BROX: variants seen among roughly 807,000 people sequenced by gnomAD.
BROX encodes BRO1 domain-containing protein BROX.
A neutral mutation model predicts 61.0 loss-of-function variants in BROX; 53 were observed. The ratio of observed to expected loss-of-function variants is 0.87; its 90% CI spans 0.70 to 1.09. BROX has a LOEUF of 1.09. Among genes scored for constraint, BROX ranks in the 50% least tolerant of loss-of-function variants. The probability of loss-of-function intolerance (pLI) is 0.00; values close to 1 mark genes in which losing one functional copy is unlikely to be tolerated. For synonymous variants in BROX, 152 were observed against 160.2 expected (o/e 0.95, Z 0.38); for missense variants, 489 against 472.0 (o/e 1.04, Z -0.33).
At chr1:222,713,103 A>G in intron 1 of BROX, 161 bp downstream of exon 1, 1 of 1,019,394 alleles carries the variant, frequency 9.8e-7, no homozygotes, top group Non-Finnish European at 1.2e-6. Flanking sequence ...ACAGAAAGAA[A>G]ATCCATATTG....
At chr1:222,729,530 A>G (rs1657776705) in intron 9 of BROX, 90 bp from the exon 10 acceptor site, 4 of 902,392 alleles carry the variant, frequency 4.4e-6, no homozygotes, top group Non-Finnish European at 7.1e-6. Flanking sequence ...CAGTGTATGA[A>G]GGTACTAATT....
At position 222,727,237 on chromosome 1, in the gene BROX, C is replaced by CAG; in HGVS notation, c.650_651insAG (p.Asn218AlafsTer28). On this transcript the variant is annotated frameshift_variant, in exon 8 of 13. Transcript: ENST00000340934. LOFTEE classifies it high-confidence loss of function. The stretch of plus-strand genomic sequence containing the variant: ...ATTGCTGCACTGGCGTATGAAACAG[C>CAG]CAATTTCTATCAAAAAGCTGGTAAG... 1.2e-6 allele frequency: 2 copies of CAG among 1,611,970 alleles called. No individual in the cohort carries two copies. The highest frequency in any genetic ancestry group is 1.7e-6 in the Non-Finnish European group (2 of 1,178,528).
At chr1:222,718,815 G>A (rs1192315187) in intron 2 of BROX, 110 bp from the exon 3 acceptor site, 2 of 789,920 alleles carry the variant, frequency 2.5e-6, no homozygotes, top group South Asian at 1.5e-5. Flanking sequence ...CCTGGTGCGT[G>A]TGTGTATGTG....
chr1:222,731,012 C>T (rs1225828794), intron 11 of BROX, among the ~76,000 whole-genome samples: 1 of 152,144 alleles, frequency 6.6e-6, no homozygotes, highest in African/African-American at 2.4e-5. Context: ...GCTTTTATGT[C>T]CTTACATTCT....
Position 222,715,579 on chromosome 1 carries a change from C to T in BROX, c.-16-105C>T, listed in dbSNP as rs183027373. On this transcript the variant is annotated intron_variant, in intron 1 of 12. Coordinates refer to ENST00000340934, the MANE Select transcript of BROX (RefSeq NM_144695.4). ...AACAAAATTTAGCCAGGCTAATTTT[C>T]GAATTAAATTTTTATACTATTGAAA... 1,537 of 485,150 alleles carry T rather than the reference C, an allele frequency of 3.2e-3. 18 individuals carry two copies. The highest frequency in any genetic ancestry group is 0.028 in the African/African-American group (1,381 of 49,424). The allele number at this position is 485,150 out of a possible 1,614,324, so 30.1% of individuals were successfully genotyped here.
Position 222,725,826 on chromosome 1 carries a change from G to A in BROX, c.580+271G>A, listed in dbSNP as rs115993727. Among the ~76,000 whole-genome samples, 651 of 152,230 alleles carry A rather than the reference G, an allele frequency of 4.3e-3. 4 individuals carry two copies. Among genetic ancestry groups the A allele is most frequent in the African/African-American group, 0.015 (609 of 41,520 alleles). On this transcript the variant is annotated intron_variant, in intron 7 of 12. Coordinates refer to ENST00000340934, the MANE Select transcript of BROX (RefSeq NM_144695.4). ...CCACAAGGCTGAGATGGGAAGGATCGCTGGAGCCTGGGAGGTCAAAGCTGT... is the reference window on the plus strand; with the variant it reads ...CCACAAGGCTGAGATGGGAAGGATCACTGGAGCCTGGGAGGTCAAAGCTGT...
chr1:222,729,490 G>T, intron 9 of BROX, 130 bp from the exon 10 acceptor site: 1 of 564,610 alleles, frequency 1.8e-6, no homozygotes, highest in Non-Finnish European at 3.0e-6. Context: ...TTGGGGAAGA[G>T]CTAAAATGTA....
At position 222,733,761 on chromosome 1, in the gene BROX, C is replaced by CT. The variant is rs1380301336; in HGVS notation, c.*1049dup. 1 of 152,078 alleles carries CT rather than the reference C, an allele frequency of 6.6e-6. No individual in the cohort carries two copies. The highest frequency in any genetic ancestry group is 1.5e-5 in the Non-Finnish European group (1 of 67,998). 9.4% of individuals were successfully genotyped at this position (152,078 alleles called of 1,614,324 possible). A position where few individuals can be genotyped will look rare whatever the true frequency, so the allele number is the denominator to read the frequency against. Reference sequence around the variant, plus strand: ...ATATCTTTTTCTAGTGGGTTTTTTACTTAGAGGAAAGAACTTTGTAATAGC... The same window carrying CT: ...ATATCTTTTTCTAGTGGGTTTTTTACTTTAGAGGAAAGAACTTTGTAATAGC... On this transcript the variant is annotated 3_prime_UTR_variant, in exon 13 of 13. Coordinates refer to ENST00000340934, the MANE Select transcript of BROX (RefSeq NM_144695.4).
intron 1 of BROX, among the ~76,000 whole-genome samples, chr1:222,714,772 G>A (rs1297723479): frequency 6.6e-6 from 1 of 151,230 alleles, no homozygotes; most frequent in Non-Finnish European, 1.5e-5. Context: ...TAGAGACCGG[G>A]TCTCACCATG....
intron 5 of BROX, among the ~76,000 whole-genome samples, chr1:222,723,864 G>T (rs1330679768): frequency 6.6e-6 from 1 of 152,106 alleles, no homozygotes; most frequent in Non-Finnish European, 1.5e-5. Context: ...TTGCCCTGCT[G>T]GCCAGGATGG....
rs1656550915 is a variant in BROX, at chr1:222,715,708, T to C, written c.9T>C (p.His3=). 1 of 1,504,974 alleles carries C rather than the reference T, an allele frequency of 6.6e-7. No homozygotes were observed. Among genetic ancestry groups the C allele is most frequent in the Non-Finnish European group, 8.9e-7 (1 of 1,124,926 alleles). 93.2% of individuals were successfully genotyped at this position (1,504,974 alleles called of 1,614,324 possible). ...GAAAACATCTGGAGAAAATGACCCATTGGTTTCATAGGAACCCATTAAAAG... is the reference window on the plus strand; with the variant it reads ...GAAAACATCTGGAGAAAATGACCCACTGGTTTCATAGGAACCCATTAAAAG... MT[H]WFHRNPLKAT... is the part of the protein sequence containing the mutation. The change falls in exon 2 of 13, where the codon CAT becomes CAC. Residue 3 remains histidine (H), a synonymous_variant. Coordinates refer to ENST00000340934, the MANE Select transcript of BROX (RefSeq NM_144695.4).
chr1:222,726,961 T>C (rs1657545468), intron 7 of BROX, among the ~76,000 whole-genome samples: 1 of 152,248 alleles, frequency 6.6e-6, no homozygotes, highest in Non-Finnish European at 1.5e-5. Flanking sequence ...TTGCTGATGA[T>C]TTATTTAAAG....
intron 4 of BROX, 35 bp from the exon 5 acceptor site, chr1:222,722,384 T>G (rs1657165648): frequency 6.5e-7 from 1 of 1,545,198 alleles, no homozygotes; most frequent in Non-Finnish European, 8.9e-7. Flanking sequence ...GTCTGGATAA[T>G]TGACAGAACT....
intron 4 of BROX, among the ~76,000 whole-genome samples, chr1:222,720,541 G>A (rs1657002069): frequency 6.6e-6 from 1 of 152,140 alleles, no homozygotes; most frequent in South Asian, 2.1e-4. Flanking sequence ...GCCGGGCACA[G>A]TGGCTCACGC....
chr1:222,732,901 A>G lies in BROX; in HGVS notation c.*187A>G. The G allele has an allele frequency of 3.6e-6, 2 of 553,310 alleles. No individual in the cohort carries two copies. Among genetic ancestry groups the G allele is most frequent in the African/African-American group, 1.9e-5 (1 of 51,628 alleles). 34.3% of individuals were successfully genotyped at this position (553,310 alleles called of 1,614,324 possible). A position where few individuals can be genotyped will look rare whatever the true frequency, so the allele number is the denominator to read the frequency against. On this transcript the variant is annotated 3_prime_UTR_variant, in exon 13 of 13. Transcript: ENST00000340934. ...GAGATGTTTCTTGCTTTGTTTTCAG[A>G]CTCTCCTTTTTAATCAGGACAACAT...
In BROX at chr1:222,733,087, T is replaced by TC; in HGVS notation, c.*373_*374insC. On this transcript the variant is annotated 3_prime_UTR_variant, in exon 13 of 13. Coordinates refer to ENST00000340934, the MANE Select transcript of BROX (RefSeq NM_144695.4). ...TCTTTTTTTTTTTTCTTTTTTTTTT[T>TC]TTTTTTTTTTGAGGTGGAGTCTCCC... The TC allele has an allele frequency of 7.6e-6, 1 of 131,116 alleles. No homozygotes were observed. Among genetic ancestry groups the TC allele is most frequent in the East Asian group, 2.6e-4 (1 of 3,902 alleles). 8.1% of individuals were successfully genotyped at this position (131,116 alleles called of 1,614,324 possible).
At chr1:222,727,373 G>C (rs1232569329) in intron 8 of BROX, 116 bp downstream of exon 8, 22 of 734,098 alleles carry the variant, frequency 3.0e-5, no homozygotes, top group South Asian at 1.6e-5. Context: ...TGCAAAACTG[G>C]AGTAATATTT....
intron 2 of BROX, chr1:222,717,786 T>C (rs1656747972): frequency 6.6e-6 from 1 of 152,212 alleles, no homozygotes; most frequent in Non-Finnish European, 1.5e-5. Flanking sequence ...AGTCTAAATC[T>C]CAAAAGAAAA....
intron 1 of BROX, chr1:222,713,400 T>C (rs1365085302): frequency 8.1e-6 from 8 of 984,864 alleles, no homozygotes; most frequent in Non-Finnish European, 9.6e-6. Context: ...CGCTCAGAGC[T>C]CGGGGGCGGC....
Sources: gnomAD v4.1 joint callset for allele counts (sites outside exome capture counted in the v4.1 genomes callset) on GRCh38, gnomAD v4.1.1 for gene constraint, MANE v1.5 for transcripts, NCBI Gene and HGNC (gene_info 2026-07-23, HGNC 2026-07-21) for gene names.